Variants in TBX5 observed in about 807,000 individuals in gnomAD.
The protein encoded by TBX5 is T-box transcription factor 5, also known as T-box transcription factor TBX5.
TBX5 carries 8 observed loss-of-function variants against 51.1 expected under a neutral mutation model. The ratio of observed to expected loss-of-function variants is 0.16; its 90% CI spans 0.09 to 0.28. The LOEUF (loss-of-function observed/expected upper bound fraction) is 0.28. Ranked by LOEUF, TBX5 falls within the 10% of genes least tolerant of loss-of-function variation. The probability of loss-of-function intolerance (pLI) is 1.00; values close to 1 mark genes in which losing one functional copy is unlikely to be tolerated. For missense variants in TBX5, 589 were observed against 671.7 expected, an observed-to-expected ratio of 0.88 and a Z score of 1.36; for synonymous variants, 302 against 266.4, an observed-to-expected ratio of 1.13 and a Z score of -1.30.
At chr12:114,374,566 G>A (rs993604061) in intron 7 of TBX5, among the ~76,000 whole-genome samples, 2 of 152,122 alleles carry the variant, frequency 1.3e-5, no homozygotes, top group African/African-American at 4.8e-5. Context: ...AGTGAAAAAA[G>A]TCAGGACATT....
At chr12:114,370,072 T>A (rs1404650060) in intron 7 of TBX5, among the ~76,000 whole-genome samples, 2 of 151,818 alleles carry the variant, frequency 1.3e-5, no homozygotes, top group Non-Finnish European at 2.9e-5. Flanking sequence ...CTGGTCAACA[T>A]GACGAAACCT....
intron 3 of TBX5, among the ~76,000 whole-genome samples, chr12:114,400,492 ATTCTCAAGG>A (rs1871738568): frequency 6.6e-6 from 1 of 152,232 alleles, no homozygotes. Context: ...GAAAGCAAAG[ATTCTCAAGG>A]CTGGCCCGGG....
At chr12:114,373,626 T>G (rs1286814365) in intron 7 of TBX5, among the ~76,000 whole-genome samples, 1 of 152,150 alleles carries the variant, frequency 6.6e-6, no homozygotes, top group African/African-American at 2.4e-5. Context: ...GCCCAGCTAA[T>G]TTTTGTATTT....
intron 7 of TBX5, 89 bp from the exon 8 acceptor site, chr12:114,366,480 G>A: frequency 7.6e-7 from 1 of 1,316,548 alleles, no homozygotes. Flanking sequence ...GAATCCACCA[G>A]AAAAGTCACA....
At chr12:114,390,579 T>C (rs575564259) in intron 6 of TBX5, among the ~76,000 whole-genome samples, 16 of 152,352 alleles carry the variant, frequency 1.1e-4, no homozygotes, top group Admixed American at 5.9e-4. Flanking sequence ...GGACCAAAAA[T>C]CTTAATTATG....
intron 7 of TBX5, among the ~76,000 whole-genome samples, chr12:114,370,611 G>A (rs1276198900): frequency 6.6e-6 from 1 of 151,606 alleles, no homozygotes; most frequent in Non-Finnish European, 1.5e-5. Context: ...GCCAGGCAGG[G>A]AGGGTTAGAG....
Position 114,394,794 on chromosome 12 carries a change from G to C in TBX5, c.610C>G (p.His204Asp), listed in dbSNP as rs763004247. The C allele has an allele frequency of 1.2e-6, 2 of 1,614,070 alleles. No individual in the cohort carries two copies. The highest frequency in any genetic ancestry group is 3.3e-5 in the Admixed American group (2 of 60,006). Residue 204 changes from histidine to aspartate, a missense_variant, in exon 6 of 9, where the codon CAC (histidine) becomes GAC (aspartate). Physicochemically the swap from His to Asp is moderately conservative, Grantham distance 81. Transcript: ENST00000405440. ...FGSKNTAFCTHVFPETAFIAV... is the reference protein window; with the variant it reads ...FGSKNTAFCTDVFPETAFIAV... ...ATAAACGCAGTCTCAGGAAAGACGT[G>C]AGTGCAGAACGCTGTATTTTTTGAG...
At chr12:114,378,592 C>T (rs1340485172) in intron 7 of TBX5, among the ~76,000 whole-genome samples, 1 of 152,190 alleles carries the variant, frequency 6.6e-6, no homozygotes, top group East Asian at 1.9e-4. Context: ...GAAGAGAGAA[C>T]TTGTCCTCCC....
chr12:114,362,846 G>A (rs1276133306), intron 8 of TBX5, among the ~76,000 whole-genome samples: 3 of 151,812 alleles, frequency 2.0e-5, no homozygotes, highest in African/African-American at 7.3e-5. Flanking sequence ...TTTATTTTTT[G>A]TAGAGATGGA....
At chr12:114,370,636 TCC>T (rs928214379) in intron 7 of TBX5, among the ~76,000 whole-genome samples, 8 of 108,312 alleles carry the variant, frequency 7.4e-5, no homozygotes, top group Non-Finnish European at 1.4e-4. Context: ...GGATGATCTC[TCC>T]CTCTCTCTCT....
intron 8 of TBX5, among the ~76,000 whole-genome samples, chr12:114,363,206 C>T (rs187188406): frequency 6.7e-4 from 102 of 152,254 alleles, no homozygotes; most frequent in African/African-American, 2.3e-3. Context: ...AAAGGTAAAA[C>T]AACTTGCCCC....
chr12:114,392,952 T>C (rs901999438), intron 6 of TBX5, among the ~76,000 whole-genome samples: 18 of 152,324 alleles, frequency 1.2e-4, no homozygotes, highest in Non-Finnish European at 2.4e-4. Flanking sequence ...ATGAGTTTTC[T>C]TTCCGAGGGC....
At chr12:114,377,959 C>T (rs1870285803) in intron 7 of TBX5, among the ~76,000 whole-genome samples, 1 of 152,066 alleles carries the variant, frequency 6.6e-6, no homozygotes, top group African/African-American at 2.4e-5. Flanking sequence ...CTGGCTGAGA[C>T]ATCCTGGACT....
At chr12:114,373,543 C>T (rs1294002747) in intron 7 of TBX5, among the ~76,000 whole-genome samples, 2 of 152,232 alleles carry the variant, frequency 1.3e-5, no homozygotes, top group Non-Finnish European at 2.9e-5. Flanking sequence ...ACTGCAACCT[C>T]TGCCTCTCAG....
rs10850328 is a variant in TBX5, at chr12:114,368,196, G to A, written c.756-1805C>T. On this transcript the variant is annotated intron_variant, in intron 7 of 8. Transcript: ENST00000405440. ...ATAGTTATTTTAATGCAATTAAGAC[G>A]AATGTTTATGTGCCTATGGTCATAG... Among the ~76,000 whole-genome samples, 2,654 of 152,282 alleles carry A rather than the reference G, an allele frequency of 0.017. 327 individuals carry two copies. In the East Asian group the frequency reaches 0.35, roughly 20 times the overall value.
rs776705102 is a variant in TBX5 at position 114,403,795 on chromosome 12, G to T, written c.104C>A (p.Pro35His). Residue 35 changes from proline to histidine, a missense_variant, in exon 2 of 9, where the codon CCC becomes CAC. Pro to His is a moderately conservative substitution (Grantham distance 77, BLOSUM62 -2). Around this residue, in one of 7 missense-constraint regions of TBX5, gnomAD observed 101 missense variants for 83.3 expected, o/e 1.21. Transcript: ENST00000405440. ...DSKPESALGA[P>H]SKSPSSPQAA... ...CTGCGGGGACGACGGGGACTTGCTG[G>T]GGGCCCCGAGCGCGCTCTCGGGTTT... The T allele has an allele frequency of 1.6e-5, 26 of 1,614,088 alleles. No homozygotes were observed. The highest frequency in any genetic ancestry group is 2.0e-5 in the Non-Finnish European group (24 of 1,180,022).
intron 8 of TBX5, among the ~76,000 whole-genome samples, chr12:114,361,964 G>A (rs1408476809): frequency 6.6e-6 from 1 of 152,102 alleles, no homozygotes; most frequent in African/African-American, 2.4e-5. Flanking sequence ...TTCACCCTGA[G>A]CCCACAGGCC....
chr12:114,404,808 G>C (rs1039823597), intron 1 of TBX5, among the ~76,000 whole-genome samples: 1 of 152,168 alleles, frequency 6.6e-6, no homozygotes, highest in Non-Finnish European at 1.5e-5. Flanking sequence ...GGCCTGGCCT[G>C]CTAAAACTGC....
At chr12:114,356,531 A>C (rs1219719102) in intron 8 of TBX5, among the ~76,000 whole-genome samples, 1 of 152,094 alleles carries the variant, frequency 6.6e-6, no homozygotes, top group East Asian at 1.9e-4. Flanking sequence ...GGAGTTTGAG[A>C]CCAGCCTGGG....
Sources: allele counts gnomAD v4.1 joint callset (sites outside exome capture counted in the v4.1 genomes callset), GRCh38; gene constraint gnomAD v4.1.1; regional missense constraint gnomAD v4.1.1; transcripts MANE v1.5; gene names NCBI Gene and HGNC (gene_info 2026-07-23, HGNC 2026-07-21).